CAB39: variants seen among roughly 807,000 people sequenced by gnomAD.
CAB39 encodes calcium-binding protein 39.
Under a neutral mutation model 40.0 loss-of-function variants are expected in CAB39, and 8 were observed. The observed-to-expected ratio is 0.20, with a 90% CI of 0.12 to 0.36. The LOEUF (loss-of-function observed/expected upper bound fraction) is 0.36. Among genes scored for constraint, CAB39 ranks in the 10% least tolerant of loss-of-function variants. The probability of loss-of-function intolerance (pLI) is 1.00; values close to 1 mark genes in which losing one functional copy is unlikely to be tolerated. For synonymous variants in CAB39, 156 were observed against 141.6 expected (o/e 1.10, Z -0.72); for missense variants, 270 against 401.1 (o/e 0.67, Z 2.79).
intron 7 of CAB39, among the ~76,000 whole-genome samples, chr2:230,816,591 C>T (rs1696405728): frequency 6.6e-6 from 1 of 152,214 alleles, no homozygotes; most frequent in African/African-American, 2.4e-5. Flanking sequence ...CTTCAAGTAT[C>T]TAGAACATAG....
chr2:230,815,748 C>T (rs1161100513), intron 7 of CAB39, among the ~76,000 whole-genome samples: 3 of 152,164 alleles, frequency 2.0e-5, no homozygotes, highest in African/African-American at 7.2e-5. Flanking sequence ...CATTTCCAAG[C>T]CCTTAGGAAT....
At chr2:230,809,576 C>G (rs980934919) in intron 5 of CAB39, among the ~76,000 whole-genome samples, 6 of 152,288 alleles carry the variant, frequency 3.9e-5, no homozygotes, top group Middle Eastern at 3.4e-3. Flanking sequence ...GCCCTAGCAC[C>G]TAGAGTTTTA....
At chr2:230,795,624 G>A (rs1425299198) in intron 4 of CAB39, among the ~76,000 whole-genome samples, 3 of 152,158 alleles carry the variant, frequency 2.0e-5, no homozygotes, top group African/African-American at 4.8e-5. Context: ...GGTGGATGCA[G>A]GTGTCCTCAG....
intron 2 of CAB39, among the ~76,000 whole-genome samples, chr2:230,778,819 T>C (rs907664172): frequency 2.0e-5 from 3 of 152,344 alleles, no homozygotes; most frequent in Non-Finnish European, 4.4e-5. Context: ...CTTGTTACTA[T>C]AGCGAATACT....
chr2:230,719,438 A>C (rs1297815769), intron 1 of CAB39, among the ~76,000 whole-genome samples: 1 of 152,228 alleles, frequency 6.6e-6, no homozygotes, highest in Non-Finnish European at 1.5e-5. Context: ...AGGTTTATAA[A>C]TAGATCCGAA....
intron 6 of CAB39, among the ~76,000 whole-genome samples, chr2:230,811,991 A>G (rs1239511514): frequency 6.6e-6 from 1 of 152,238 alleles, no homozygotes; most frequent in Non-Finnish European, 1.5e-5. Context: ...GATCTTATAG[A>G]GGGAGAAGCA....
chr2:230,756,634 A>G (rs1438348936), intron 1 of CAB39, among the ~76,000 whole-genome samples: 1 of 152,090 alleles, frequency 6.6e-6, no homozygotes, highest in Admixed American at 6.6e-5. Context: ...ATACTTTAAA[A>G]ATAAAGAGGA....
At chr2:230,808,067 TTTTCTTTTC>T (rs1696234490) in intron 5 of CAB39, among the ~76,000 whole-genome samples, 1 of 151,690 alleles carries the variant, frequency 6.6e-6, no homozygotes, top group African/African-American at 2.4e-5. Context: ...TTTTCTTTTC[TTTTCTTTTC>T]TTTTTTTTTT....
chr2:230,817,711 T>G (rs1696426823), intron 7 of CAB39, 43 bp from the exon 8 acceptor site: 1 of 1,483,772 alleles, frequency 6.7e-7, no homozygotes, highest in African/African-American at 1.4e-5. Context: ...TTGATTTTTC[T>G]TTAAGTTTTA....
intron 2 of CAB39, among the ~76,000 whole-genome samples, chr2:230,782,103 T>C (rs979656500): frequency 6.6e-6 from 1 of 152,124 alleles, no homozygotes; most frequent in African/African-American, 2.4e-5. Flanking sequence ...TGACCTCAGG[T>C]GGTCCGCCCG....
intron 1 of CAB39, among the ~76,000 whole-genome samples, chr2:230,721,954 A>G (rs1559587511): frequency 6.6e-6 from 1 of 152,150 alleles, no homozygotes; most frequent in Non-Finnish European, 1.5e-5. Context: ...CATACTTACT[A>G]GTATGGCATT....
At chr2:230,765,893 G>T (rs964693230) in intron 2 of CAB39, among the ~76,000 whole-genome samples, 1 of 152,106 alleles carries the variant, frequency 6.6e-6, no homozygotes, top group Middle Eastern at 3.4e-3. Flanking sequence ...TAGACATTTC[G>T]CTATTAGGAT....
At chr2:230,717,300 T>C (rs1228031980) in intron 1 of CAB39, among the ~76,000 whole-genome samples, 1 of 152,202 alleles carries the variant, frequency 6.6e-6, no homozygotes, top group Non-Finnish European at 1.5e-5. Flanking sequence ...TAAATTTGCA[T>C]AGCAATTTAG....
intron 2 of CAB39, among the ~76,000 whole-genome samples, chr2:230,768,712 A>C (rs1695432163): frequency 6.6e-6 from 1 of 152,212 alleles, no homozygotes; most frequent in Non-Finnish European, 1.5e-5. Context: ...GGGAATGGTT[A>C]ATATTAATTG....
At chr2:230,735,140 T>C (rs1694764071) in intron 1 of CAB39, among the ~76,000 whole-genome samples, 1 of 152,152 alleles carries the variant, frequency 6.6e-6, no homozygotes, top group Admixed American at 6.6e-5. Context: ...AATCGCAGTT[T>C]ACAAGTAGAG....
At chr2:230,739,540 G>T (rs893143693) in intron 1 of CAB39, among the ~76,000 whole-genome samples, 2 of 152,204 alleles carry the variant, frequency 1.3e-5, no homozygotes, top group African/African-American at 4.8e-5. Context: ...TGTTGCCCAG[G>T]CTGGAGTGGA....
At chr2:230,772,829 C>G (rs751209116) in intron 2 of CAB39, among the ~76,000 whole-genome samples, 1 of 152,002 alleles carries the variant, frequency 6.6e-6, no homozygotes, top group Non-Finnish European at 1.5e-5. Flanking sequence ...ACCATATGAT[C>G]TAGCCATTTA....
At chr2:230,749,010 T>G (rs1379608083) in intron 1 of CAB39, among the ~76,000 whole-genome samples, 2 of 125,464 alleles carry the variant, frequency 1.6e-5, no homozygotes, top group Non-Finnish European at 3.1e-5. Context: ...CGCCCCCGTG[T>G]TTTTTTTTTA....
At chr2:230,747,731 A>C (rs192045983) in intron 1 of CAB39, among the ~76,000 whole-genome samples, 1 of 152,228 alleles carries the variant, frequency 6.6e-6, no homozygotes, top group African/African-American at 2.4e-5. Flanking sequence ...CCATATTACT[A>C]TGTTTTAAAT....
Sources: gnomAD v4.1 joint callset for allele counts (sites outside exome capture counted in the v4.1 genomes callset) on GRCh38, gnomAD v4.1.1 for gene constraint, MANE v1.5 for transcripts, NCBI Gene and HGNC (gene_info 2026-07-23, HGNC 2026-07-21) for gene names.